The following ZC3H3 variants were observed in gnomAD, a reference collection of about 807,000 sequenced individuals.
ZC3H3 encodes zinc finger CCCH domain-containing protein 3.
Under a neutral mutation model 77.3 loss-of-function variants are expected in ZC3H3, and 36 were observed. That is an observed-to-expected ratio of 0.47 (90% CI 0.36 to 0.61). The LOEUF (loss-of-function observed/expected upper bound fraction) is 0.61, where lower values mean the gene tolerates loss of function less well. Ranked by LOEUF, ZC3H3 falls within the 20% of genes least tolerant of loss-of-function variation. The pLI is 0.00. For missense variants in ZC3H3, 1,331 were observed against 1,312.2 expected, an observed-to-expected ratio of 1.01 and a Z score of -0.22; for synonymous variants, 626 against 555.2, an observed-to-expected ratio of 1.13 and a Z score of -1.79.
chr8:143,507,428 G>A (rs997507086), intron 4 of ZC3H3, among the ~76,000 whole-genome samples: 10 of 152,264 alleles, frequency 6.6e-5, no homozygotes, highest in East Asian at 5.8e-4. Context: ...GGCCCTGACC[G>A]TCTGGGCAGC....
At position 143,441,035 on chromosome 8, in the gene ZC3H3, C is replaced by T. The variant is rs368841712; in HGVS notation, c.2393G>A (p.Arg798His). The T allele has an allele frequency of 5.8e-5, 86 of 1,486,362 alleles. No homozygotes were observed. Among genetic ancestry groups the T allele is most frequent in the African/African-American group, 7.4e-5 (5 of 67,834 alleles). 92.1% of individuals were successfully genotyped at this position (1,486,362 alleles called of 1,614,324 possible). Residue 798 changes from arginine (R) to histidine (H), a missense_variant, in exon 10 of 12, where the codon CGT (arginine) becomes CAT (histidine). Coordinates refer to ENST00000262577, the MANE Select transcript of ZC3H3 (RefSeq NM_015117.3). ...PRGAQCQLLH[R>H]TQKRHSRRAA... is the part of the protein sequence containing the mutation. ...CCGCCGACTGTGGCGTTTCTGGGTA[C>T]GGTGGAGCAGCTGGCACTGGGCGCC...
At chr8:143,477,313 G>C (rs905657302) in intron 4 of ZC3H3, among the ~76,000 whole-genome samples, 1 of 152,206 alleles carries the variant, frequency 6.6e-6, no homozygotes, top group Admixed American at 6.5e-5. Flanking sequence ...CAATCTTGGC[G>C]GGAAAGAGCC....
intron 9 of ZC3H3, among the ~76,000 whole-genome samples, chr8:143,464,216 G>A (rs985353919): frequency 6.6e-6 from 1 of 152,274 alleles, no homozygotes; most frequent in Non-Finnish European, 1.5e-5. Flanking sequence ...ACACGGAAAG[G>A]CAGCAGTAAG....
chr8:143,522,792 G>A (rs900326196), intron 3 of ZC3H3, among the ~76,000 whole-genome samples: 1 of 152,142 alleles, frequency 6.6e-6, no homozygotes, highest in Non-Finnish European at 1.5e-5. Context: ...AGGTGTGGTG[G>A]CGCACACCTG....
chr8:143,468,344 G>A (rs200172384), intron 7 of ZC3H3, 38 bp downstream of exon 7: 13 of 1,611,758 alleles, frequency 8.1e-6, no homozygotes, highest in Non-Finnish European at 1.1e-5. Flanking sequence ...GCCCTGCACA[G>A]AACCTCCCCC....
In ZC3H3 at chr8:143,541,412, T is replaced by C. The variant is rs1021290773; in HGVS notation, c.10A>G (p.Lys4Glu). The change falls in exon 1 of 12, where the codon AAG becomes GAG. Residue 4 changes from lysine to glutamate, a missense_variant. Lys to Glu is a moderately conservative substitution (Grantham distance 56). This residue lies in a region of ZC3H3 where 978 missense variants were observed against 915.5 expected (regional missense o/e 1.07). Transcript: ENST00000262577. Reference sequence around the variant, plus strand: ...CGGATCTGCCGCCGTAATATCTCCTTTTCCTCCATCTCCCGAGTCCGCGAC... The same window carrying C: ...CGGATCTGCCGCCGTAATATCTCCTCTTCCTCCATCTCCCGAGTCCGCGAC... MEE[K>E]EILRRQIRLL... 3 of 1,611,878 alleles carry C rather than the reference T, an allele frequency of 1.9e-6. No homozygotes were observed. Among genetic ancestry groups the C allele is most frequent in the Admixed American group, 1.7e-5 (1 of 59,996 alleles).
At chr8:143,498,703 G>A (rs937895267) in intron 4 of ZC3H3, among the ~76,000 whole-genome samples, 2 of 150,662 alleles carry the variant, frequency 1.3e-5, no homozygotes, top group East Asian at 1.9e-4. Context: ...GGAACCGGGG[G>A]CAGAGGGGTA....
chr8:143,479,477 C>A (rs1413781020), intron 4 of ZC3H3, among the ~76,000 whole-genome samples: 1 of 152,214 alleles, frequency 6.6e-6, no homozygotes, highest in Non-Finnish European at 1.5e-5. Flanking sequence ...GATCTAAAGG[C>A]CTCTCCCATC....
At chr8:143,455,133 G>A (rs927612056) in intron 9 of ZC3H3, among the ~76,000 whole-genome samples, 25 of 152,168 alleles carry the variant, frequency 1.6e-4, no homozygotes, top group Non-Finnish European at 4.4e-5. Flanking sequence ...GGCCAACACA[G>A]TGAAACCCCA....
intron 3 of ZC3H3, among the ~76,000 whole-genome samples, chr8:143,512,306 C>A (rs1469203694): frequency 6.6e-6 from 1 of 152,266 alleles, no homozygotes; most frequent in African/African-American, 2.4e-5. Flanking sequence ...ACTGCCTGAT[C>A]TGCTTTTTAT....
intron 3 of ZC3H3, among the ~76,000 whole-genome samples, chr8:143,510,368 C>G (rs749578224): frequency 6.0e-4 from 91 of 152,366 alleles, no homozygotes; most frequent in Non-Finnish European, 1.0e-3. Context: ...GTGTCCCCCA[C>G]GGCCTGGCCC....
At chr8:143,539,396 G>A (rs1050975311) in intron 1 of ZC3H3, 76 bp from the exon 2 acceptor site, 13 of 1,388,102 alleles carry the variant, frequency 9.4e-6, no homozygotes, top group East Asian at 2.4e-5. Context: ...AAGGGCATCA[G>A]CTGGCAAGAT....
intron 9 of ZC3H3, among the ~76,000 whole-genome samples, chr8:143,446,691 A>T (rs114954095): frequency 6.9e-4 from 105 of 152,384 alleles, no homozygotes; most frequent in African/African-American, 2.4e-3. Context: ...CACAGCCTTC[A>T]CAGAAAGCAC....
chr8:143,498,110 C>T (rs1449131920), intron 4 of ZC3H3, among the ~76,000 whole-genome samples: 1 of 152,150 alleles, frequency 6.6e-6, no homozygotes, highest in Non-Finnish European at 1.5e-5. Context: ...GGCCACGCAC[C>T]GGGGCCCGGG....
At position 143,462,090 on chromosome 8, in the gene ZC3H3, A is replaced by G. The variant is rs1023327517; in HGVS notation, c.2307+3627T>C. On this transcript the variant is annotated intron_variant, in intron 9 of 11. Coordinates refer to ENST00000262577, the MANE Select transcript of ZC3H3 (RefSeq NM_015117.3). The surrounding 1 kb of genome is among the most constrained non-coding windows in gnomAD (Gnocchi z 4.7). ...GAGGCCCCACCTCACACAACACGCA[A>G]ATGAAGAACAGCAAACGGCAGCCGA... Among the ~76,000 whole-genome samples, 2 of 152,114 alleles carry G rather than the reference A, an allele frequency of 1.3e-5. No homozygotes were observed. Among genetic ancestry groups the G allele is most frequent in the Non-Finnish European group, 2.9e-5 (2 of 68,010 alleles).
intron 4 of ZC3H3, among the ~76,000 whole-genome samples, chr8:143,503,214 G>A (rs1200844231): frequency 1.3e-5 from 2 of 152,192 alleles, no homozygotes; most frequent in African/African-American, 2.4e-5. Context: ...TCTGATGGGA[G>A]CACAGGTGGC....
rs371808822 is a variant in ZC3H3 at position 143,538,482 on chromosome 8, G to C, written c.885C>G (p.Ala295=). The change falls in exon 2 of 12, where the codon GCC becomes GCG. Residue 295 remains alanine (A), a synonymous_variant. Coordinates refer to ENST00000262577, the MANE Select transcript of ZC3H3 (RefSeq NM_015117.3). ...TAGTTCGACAGGTCACAACCAGCGAGGCCTCCCGGGCCTGCCTGGGTCCTG... is the reference window on the plus strand; with the variant it reads ...TAGTTCGACAGGTCACAACCAGCGACGCCTCCCGGGCCTGCCTGGGTCCTG... ...PASGPRQARE[A]SLVVTCRTNK... 2 of 1,612,944 alleles carry C rather than the reference G, an allele frequency of 1.2e-6. No homozygotes were observed. Among genetic ancestry groups the C allele is most frequent in the East Asian group, 2.2e-5 (1 of 44,888 alleles).
At chr8:143,499,646 C>A (rs1414282724) in intron 4 of ZC3H3, among the ~76,000 whole-genome samples, 1 of 151,906 alleles carries the variant, frequency 6.6e-6, no homozygotes, top group Non-Finnish European at 1.5e-5. Flanking sequence ...CTCCAGCATT[C>A]AGGGCCTCTC....
chr8:143,506,565 T>C (rs999993984), intron 4 of ZC3H3, among the ~76,000 whole-genome samples: 1 of 152,188 alleles, frequency 6.6e-6, no homozygotes, highest in Admixed American at 6.5e-5. Context: ...ATAAAAATTA[T>C]CTTCATAAAT....
Sources: allele counts gnomAD v4.1 joint callset (sites outside exome capture counted in the v4.1 genomes callset), GRCh38; gene constraint gnomAD v4.1.1; regional missense constraint gnomAD v4.1.1; non-coding constraint Gnocchi (gnomAD v3.1); transcripts MANE v1.5; gene names NCBI Gene and HGNC (gene_info 2026-07-23, HGNC 2026-07-21).